WDPCP: variants seen among roughly 807,000 people sequenced by gnomAD.
The protein encoded by WDPCP is WD repeat-containing and planar cell polarity effector protein fritz homolog.
WDPCP carries 71 observed loss-of-function variants against 93.1 expected under a neutral mutation model. That is an observed-to-expected ratio of 0.76 (90% CI 0.63 to 0.93). The LOEUF (loss-of-function observed/expected upper bound fraction) is 0.93. Ranked by LOEUF, WDPCP falls within the 40% of genes least tolerant of loss-of-function variation. The pLI is 0.00. For synonymous variants in WDPCP, 315 were observed against 315.0 expected (o/e 1.00, Z 0.00); for missense variants, 844 against 887.4 (o/e 0.95, Z 0.62).
chr2:63,319,941 T>C (rs1005725447), intron 12 of WDPCP, among the ~76,000 whole-genome samples: 1 of 152,102 alleles, frequency 6.6e-6, no homozygotes, highest in African/African-American at 2.4e-5. Context: ...AAGCAATATA[T>C]GCACATGTAC....
chr2:63,648,286 C>T (rs1288164145), intron 3 of WDPCP, among the ~76,000 whole-genome samples: 2 of 152,164 alleles, frequency 1.3e-5, no homozygotes, highest in East Asian at 3.8e-4. Context: ...TTATCTGAGG[C>T]TTAGGGGTGT....
At chr2:63,138,394 A>T (rs1214413922) in intron 17 of WDPCP, among the ~76,000 whole-genome samples, 2 of 150,928 alleles carry the variant, frequency 1.3e-5, no homozygotes, top group Non-Finnish European at 2.9e-5. Context: ...ATTTTAATTA[A>T]TTAATTAATT....
At chr2:63,281,318 G>T (rs779204550) in intron 13 of WDPCP, among the ~76,000 whole-genome samples, 64 of 151,986 alleles carry the variant, frequency 4.2e-4, no homozygotes, top group Admixed American at 2.0e-4. Flanking sequence ...CATAATAAAA[G>T]AATTTTTTAA....
intron 2 of WDPCP, among the ~76,000 whole-genome samples, chr2:63,780,561 G>A (rs533850264): frequency 6.6e-5 from 10 of 152,252 alleles, no homozygotes; most frequent in Non-Finnish European, 1.0e-4. Context: ...TTCTAAGCAC[G>A]TAACTCCCAA....
intron 17 of WDPCP, among the ~76,000 whole-genome samples, chr2:63,146,406 GT>G (rs33976806): frequency 0.35 from 45,335 of 130,072 alleles, 6,573 homozygotes; most frequent in Middle Eastern, 0.47. Flanking sequence ...TTGAGAGCGT[GT>G]TTTTTTTTTT....
chr2:63,426,255 G>A (rs1003760565), intron 9 of WDPCP, among the ~76,000 whole-genome samples: 10 of 152,052 alleles, frequency 6.6e-5, no homozygotes, highest in East Asian at 5.8e-4. Flanking sequence ...CAGGGGAATC[G>A]CTTGAACCCA....
intron 9 of WDPCP, among the ~76,000 whole-genome samples, chr2:63,430,254 A>G (rs1276124054): frequency 6.6e-6 from 1 of 152,108 alleles, no homozygotes; most frequent in Non-Finnish European, 1.5e-5. Flanking sequence ...CAAGGACTAA[A>G]AAACTACCTA....
chr2:63,349,155 A>C (rs1002591396), intron 12 of WDPCP, among the ~76,000 whole-genome samples: 4 of 152,162 alleles, frequency 2.6e-5, no homozygotes, highest in African/African-American at 7.2e-5. Context: ...TTTGTCTGTG[A>C]AGTATGAATA....
chr2:63,605,161 T>C, intron 3 of WDPCP: 1 of 701,098 alleles, frequency 1.4e-6, no homozygotes. Context: ...TTGCATGATT[T>C]TGGAGGGGAA....
intron 1 of WDPCP, among the ~76,000 whole-genome samples, chr2:63,542,449 TC>T (rs1704819027): frequency 6.6e-6 from 1 of 152,206 alleles, no homozygotes; most frequent in Non-Finnish European, 1.5e-5. Flanking sequence ...TCATGGCTAT[TC>T]AGCCCCCTGG....
At chr2:63,562,495 A>T (rs1031867616) in intron 1 of WDPCP, among the ~76,000 whole-genome samples, 1 of 152,214 alleles carries the variant, frequency 6.6e-6, no homozygotes, top group Non-Finnish European at 1.5e-5. Flanking sequence ...CACATCCTGC[A>T]TATGTATCCT....
chr2:63,731,614 A>T (rs1230207217), intron 2 of WDPCP, among the ~76,000 whole-genome samples: 2 of 152,210 alleles, frequency 1.3e-5, no homozygotes, highest in Non-Finnish European at 2.9e-5. Context: ...TAGCTAATGG[A>T]TTAATATAAA....
chr2:63,273,141 A>C (rs1247265354), intron 13 of WDPCP, among the ~76,000 whole-genome samples: 2 of 152,224 alleles, frequency 1.3e-5, no homozygotes, highest in African/African-American at 4.8e-5. Context: ...TACCCAGAAA[A>C]GCTGCTTTTC....
At position 63,486,540 on chromosome 2, in the gene WDPCP, A is replaced by G. The variant is rs1700584499; in HGVS notation, c.253+2T>C. ...ATTCCAAAAAATATAAAGTAAGCTT[A>G]CACTCTGCCAGCTTCTGCTTCTTTT... is the stretch of plus-strand genomic sequence containing the variant. On this transcript the variant is annotated splice_donor_variant, in intron 4 of 17. Transcript: ENST00000272321. LOFTEE classifies it high-confidence loss of function. The G allele has an allele frequency of 6.4e-7, 1 of 1,570,294 alleles. No individual in the cohort carries two copies. The highest frequency in any genetic ancestry group is 8.7e-7 in the Non-Finnish European group (1 of 1,154,324).
At chr2:63,163,071 A>G (rs1294378733) in intron 15 of WDPCP, among the ~76,000 whole-genome samples, 1 of 152,174 alleles carries the variant, frequency 6.6e-6, no homozygotes, top group East Asian at 1.9e-4. Context: ...TTCTTGAGAC[A>G]TATTAAAGCC....
chr2:63,515,757 C>A (rs1429835240), intron 1 of WDPCP, among the ~76,000 whole-genome samples: 1 of 152,170 alleles, frequency 6.6e-6, no homozygotes, highest in Non-Finnish European at 1.5e-5. Context: ...CAGTGGCTCA[C>A]GCCTATAATC....
At chr2:63,813,022 T>TA (rs1012585335) in intron 2 of WDPCP, among the ~76,000 whole-genome samples, 58 of 147,282 alleles carry the variant, frequency 3.9e-4, no homozygotes, top group East Asian at 7.9e-4. Flanking sequence ...TCAGCTAATT[T>TA]AAAAAAAAAA....
intron 12 of WDPCP, among the ~76,000 whole-genome samples, chr2:63,339,380 C>T (rs927865754): frequency 6.6e-6 from 1 of 152,080 alleles, no homozygotes; most frequent in Non-Finnish European, 1.5e-5. Flanking sequence ...ACTGTGTTGG[C>T]CAGGCTGGTC....
chr2:63,273,271 G>A (rs935092308), intron 13 of WDPCP, among the ~76,000 whole-genome samples: 2 of 152,048 alleles, frequency 1.3e-5, no homozygotes, highest in African/African-American at 4.8e-5. Context: ...GAAGCAAAAG[G>A]ATGATATCTA....
Sources: allele counts gnomAD v4.1 joint callset (sites outside exome capture counted in the v4.1 genomes callset), GRCh38; gene constraint gnomAD v4.1.1; transcripts MANE v1.5; gene names NCBI Gene and HGNC (gene_info 2026-07-23, HGNC 2026-07-21).